Variants in WNK2 observed in about 807,000 individuals in gnomAD.
WNK2 encodes the protein WNK lysine deficient protein kinase 2, also known as serine/threonine-protein kinase WNK2.
WNK2 carries 67 observed loss-of-function variants against 192.1 expected under a neutral mutation model. That is an observed-to-expected ratio of 0.35 (90% CI 0.29 to 0.43). WNK2 has a LOEUF of 0.43. Among genes scored for constraint, WNK2 ranks in the 20% least tolerant of loss-of-function variants. The probability of loss-of-function intolerance (pLI) is 1.00; values close to 1 mark genes in which losing one functional copy is unlikely to be tolerated. For synonymous variants in WNK2, 1,439 were observed against 1,393.9 expected, an observed-to-expected ratio of 1.03 and a Z score of -0.72; for missense variants, 2,698 against 3,089.7, an observed-to-expected ratio of 0.87 and a Z score of 3.01.
chr9:93,224,965 C>T (rs1837552224), intron 2 of WNK2, among the ~76,000 whole-genome samples: 1 of 152,156 alleles, frequency 6.6e-6, no homozygotes. Context: ...CACAGGTGTT[C>T]ATGGAGTTGC....
At chr9:93,299,290 A>G in intron 25 of WNK2, 29 bp downstream of exon 25, 8 of 1,544,504 alleles carry the variant, frequency 5.2e-6, no homozygotes, top group Non-Finnish European at 6.1e-6. Context: ...GTCTCCGAGC[A>G]TGTGCTAGCC....
In WNK2 at chr9:93,211,248, A is replaced by ACACATTCC. The variant is rs1834574405; in HGVS notation, c.682-18447_682-18446insACATTCCC. Among the ~76,000 whole-genome samples the ACACATTCC allele has an allele frequency of 9.3e-5, 8 of 85,772 alleles. 3 individuals carry two copies. Among genetic ancestry groups the ACACATTCC allele is most frequent in the African/African-American group, 3.9e-4 (8 of 20,570 alleles). 56.3% of individuals were successfully genotyped at this position (85,772 alleles called of 152,430 possible). On this transcript the variant is annotated intron_variant, in intron 2 of 29. Coordinates refer to ENST00000427277, the MANE Select transcript of WNK2 (RefSeq NM_006648.4). ...CACTCACTCACTCACTCATTCACTC[A>ACACATTCC]CTCACTCATTCACTCATTCACTCAC...
At chr9:93,297,733 A>G in intron 23 of WNK2, 120 bp from the exon 24 acceptor site, 1 of 1,015,252 alleles carries the variant, frequency 9.8e-7, no homozygotes, top group East Asian at 2.6e-5. Flanking sequence ...AGGCCAAGGC[A>G]CAGGCAGGGT....
chr9:93,299,445 C>A (rs1851209086), intron 25 of WNK2, among the ~76,000 whole-genome samples, 184 bp downstream of exon 25: 1 of 152,078 alleles, frequency 6.6e-6, no homozygotes, highest in Non-Finnish European at 1.5e-5. Context: ...TGGAATTGTC[C>A]CATCCACCAC....
intron 2 of WNK2, among the ~76,000 whole-genome samples, chr9:93,203,303 GGA>G (rs1832807092): frequency 6.6e-6 from 1 of 152,122 alleles, no homozygotes; most frequent in African/African-American, 2.4e-5. Flanking sequence ...TGGCTGGAGT[GGA>G]CAGTGGTCTG....
At position 93,259,683 on chromosome 9, in the gene WNK2, G is replaced by A. The variant is rs1232415835; in HGVS notation, c.3066+69G>A. 8 of 1,388,068 alleles carry A rather than the reference G, an allele frequency of 5.8e-6. No homozygotes were observed. The highest frequency in any genetic ancestry group is 7.6e-6 in the Non-Finnish European group (8 of 1,050,444). The allele number at this position is 1,388,068 out of a possible 1,614,324, so 86.0% of individuals were successfully genotyped here. ...GACCCTCAGGACCCAGAGATGCAAA[G>A]GAGGACAGAGGCAGGCAAGGAGGCA... is the stretch of plus-strand genomic sequence containing the variant. On this transcript the variant is annotated intron_variant, in intron 12 of 29. Coordinates refer to ENST00000427277, the MANE Select transcript of WNK2 (RefSeq NM_006648.4). This position sits in a 1 kb window ranked among gnomAD's most constrained non-coding sequence, Gnocchi z 4.8.
At chr9:93,318,070 C>T in intron 29 of WNK2, 1 of 1,609,498 alleles carries the variant, frequency 6.2e-7, no homozygotes, top group Non-Finnish European at 8.5e-7. Context: ...ACTTCCTATA[C>T]TTGAGTTGAT....
intron 2 of WNK2, among the ~76,000 whole-genome samples, chr9:93,223,435 G>C (rs984147117): frequency 6.6e-6 from 1 of 152,226 alleles, no homozygotes; most frequent in Non-Finnish European, 1.5e-5. Flanking sequence ...GCTTTTCTTC[G>C]GGGGCAGGGG....
intron 26 of WNK2, 196 bp from the exon 27 acceptor site, chr9:93,306,581 G>A (rs1465694741): frequency 1.4e-5 from 9 of 638,500 alleles, no homozygotes; most frequent in Non-Finnish European, 2.5e-5. Flanking sequence ...CCCCCTCGGC[G>A]AAGCTCGTGG....
intron 5 of WNK2, among the ~76,000 whole-genome samples, chr9:93,236,580 C>T (rs563692691): frequency 1.3e-4 from 20 of 152,334 alleles, no homozygotes; most frequent in African/African-American, 4.6e-4. Context: ...ACAAAACAAC[C>T]TAGCAGATTG....
At chr9:93,190,071 T>A (rs568004766) in intron 2 of WNK2, among the ~76,000 whole-genome samples, 2 of 152,208 alleles carry the variant, frequency 1.3e-5, no homozygotes, top group Non-Finnish European at 2.9e-5. Context: ...TTGAAATCAG[T>A]TGGATGCCAG....
rs146850601 is a variant in WNK2 at position 93,313,483 on chromosome 9, C to G, written c.6517-4037C>G. On this transcript the variant is annotated intron_variant, in intron 28 of 29. Transcript: ENST00000427277. ...TAATATTTTTTAGTTTTTGTTTGCTCTTTGTCCTAGTTTTTCTTTATATTG... is the reference window on the plus strand; with the variant it reads ...TAATATTTTTTAGTTTTTGTTTGCTGTTTGTCCTAGTTTTTCTTTATATTG... 1.8e-3 allele frequency among the ~76,000 whole-genome samples: 266 copies of G among 148,640 alleles called. 1 individual carries two copies. The highest frequency in any genetic ancestry group is 6.3e-3 in the African/African-American group (255 of 40,598).
At chr9:93,263,435 C>CAG (rs10649709) in intron 14 of WNK2, 131 bp from the exon 15 acceptor site, 1,128,266 of 1,181,630 alleles carry the variant, frequency 0.95, 539,068 homozygotes, top group African/African-American at 0.99. Context: ...TCGCACAGGA[C>CAG]GGGCTGCCTC....
chr9:93,256,363 C>T lies in WNK2; in HGVS notation c.2099C>T (p.Pro700Leu), dbSNP rs751816455. The part of the protein sequence containing the change: ...ACPPSLQQHF[P>L]DPAMSFAPVL... Reference sequence around the variant, plus strand: ...CCTCCGTCCCTCCAGCAGCACTTCCCGGATCCGGCCATGAGCTTCGCCCCC... The same window carrying T: ...CCTCCGTCCCTCCAGCAGCACTTCCTGGATCCGGCCATGAGCTTCGCCCCC... The change falls in exon 10 of 30, where the codon CCG (proline) becomes CTG (leucine). Residue 700 changes from proline to leucine, a missense_variant. Physicochemically the swap from Pro to Leu is moderately conservative, Grantham distance 98. This residue lies in a region of WNK2 where 893 missense variants were observed against 909.0 expected (regional missense o/e 0.98). Transcript: ENST00000427277. 2.8e-5 allele frequency: 45 copies of T among 1,581,522 alleles called. No individual in the cohort carries two copies. The highest frequency in any genetic ancestry group is 3.4e-5 in the Non-Finnish European group (40 of 1,170,180).
intron 23 of WNK2, among the ~76,000 whole-genome samples, chr9:93,294,220 T>C (rs1342667781): frequency 6.6e-6 from 1 of 152,054 alleles, no homozygotes; most frequent in Non-Finnish European, 1.5e-5. Flanking sequence ...GCTAAGAGAG[T>C]GTCTGCCCAG....
intron 9 of WNK2, among the ~76,000 whole-genome samples, chr9:93,253,907 C>T (rs923629974): frequency 3.3e-5 from 5 of 152,102 alleles, no homozygotes; most frequent in Non-Finnish European, 7.4e-5. Context: ...ACCCTCAGAG[C>T]GTAGTTTGTT....
chr9:93,231,565 C>T (rs756559012), intron 4 of WNK2, among the ~76,000 whole-genome samples: 3 of 152,312 alleles, frequency 2.0e-5, no homozygotes, highest in Non-Finnish European at 2.9e-5. Context: ...TGGCCAGTGA[C>T]GCTGGAGCTC....
chr9:93,289,254 T>C lies in WNK2; in HGVS notation c.4500T>C (p.Leu1500=), dbSNP rs745580065. 6.2e-7 allele frequency: 1 copy of C among 1,603,798 alleles called. No individual in the cohort carries two copies. The highest frequency in any genetic ancestry group is 8.5e-7 in the Non-Finnish European group (1 of 1,177,174). The change falls in exon 20 of 30, where the codon CTT becomes CTC. Residue 1500 remains leucine, a synonymous_variant. Transcript: ENST00000427277. ...CCTTGGGTCAACCTGCTCCCCTGCT[T>C]CCTGCCGCAGTGGGGGCCGTCAGCC... ...QPALGQPAPL[L]PAAVGAVSLA...
At chr9:93,269,755 A>C (rs1045867484) in intron 19 of WNK2, among the ~76,000 whole-genome samples, 4 of 152,234 alleles carry the variant, frequency 2.6e-5, no homozygotes, top group Non-Finnish European at 5.9e-5. Context: ...CAGTACGGTT[A>C]ATAGAATGAA....
Sources: allele counts gnomAD v4.1 joint callset (sites outside exome capture counted in the v4.1 genomes callset), GRCh38; gene constraint gnomAD v4.1.1; regional missense constraint gnomAD v4.1.1; non-coding constraint Gnocchi (gnomAD v3.1); transcripts MANE v1.5; gene names NCBI Gene and HGNC (gene_info 2026-07-23, HGNC 2026-07-21).